The following CAMKMT variants were observed in gnomAD, a reference collection of about 807,000 sequenced individuals.
CAMKMT encodes the protein calmodulin-lysine N-methyltransferase.
CAMKMT carries 53 observed loss-of-function variants against 48.0 expected under a neutral mutation model. The observed-to-expected ratio is 1.10, with a 90% CI of 0.89 to 1.39. The LOEUF is 1.39. Among genes scored for constraint, CAMKMT ranks in the 40% most tolerant of loss-of-function variants. The probability of loss-of-function intolerance (pLI) is 0.00; values close to 1 mark genes in which losing one functional copy is unlikely to be tolerated. For synonymous variants in CAMKMT, 165 were observed against 152.3 expected (o/e 1.08, Z -0.61); for missense variants, 428 against 402.7 (o/e 1.06, Z -0.54).
intron 3 of CAMKMT, among the ~76,000 whole-genome samples, chr2:44,588,312 G>A (rs1490750159): frequency 5.0e-5 from 4 of 80,592 alleles, no homozygotes; most frequent in African/African-American, 1.5e-4. Context: ...GAGGGGGGGG[G>A]TCAGCCCCCC....
chr2:44,608,098 A>C (rs1572908164), intron 3 of CAMKMT, among the ~76,000 whole-genome samples: 1 of 119,452 alleles, frequency 8.4e-6, no homozygotes, highest in South Asian at 2.7e-4. Context: ...TTTGAGACGG[A>C]GTCTTGCTCC....
At chr2:44,433,793 A>G (rs574907935) in intron 3 of CAMKMT, among the ~76,000 whole-genome samples, 1 of 152,318 alleles carries the variant, frequency 6.6e-6, no homozygotes, top group Non-Finnish European at 1.5e-5. Context: ...TCAGTTATCA[A>G]TGTTTATTCA....
At chr2:44,689,168 G>A (rs1676493685) in intron 3 of CAMKMT, among the ~76,000 whole-genome samples, 1 of 152,060 alleles carries the variant, frequency 6.6e-6, no homozygotes, top group South Asian at 2.1e-4. Context: ...CCTAAGACAG[G>A]GAACAATAAC....
chr2:44,518,491 T>C (rs752312891), intron 3 of CAMKMT, among the ~76,000 whole-genome samples: 1 of 152,222 alleles, frequency 6.6e-6, no homozygotes, highest in Non-Finnish European at 1.5e-5. Flanking sequence ...ATAGAACACA[T>C]GAATCTACTG....
chr2:44,491,587 A>G (rs1417437180), intron 3 of CAMKMT, among the ~76,000 whole-genome samples: 1 of 152,236 alleles, frequency 6.6e-6, no homozygotes, highest in South Asian at 2.1e-4. Flanking sequence ...TGAGCTATTC[A>G]TAGGATAGTT....
chr2:44,679,601 C>T (rs930077265), intron 3 of CAMKMT, among the ~76,000 whole-genome samples: 18 of 152,188 alleles, frequency 1.2e-4, no homozygotes, highest in African/African-American at 3.9e-4. Flanking sequence ...GCATAGCCTG[C>T]GCCATGTCAG....
chr2:44,747,157 TA>T (rs1246228256), intron 8 of CAMKMT, among the ~76,000 whole-genome samples: 1 of 152,232 alleles, frequency 6.6e-6, no homozygotes, highest in African/African-American at 2.4e-5. Context: ...CATTGGCCTG[TA>T]GCAACCCACC....
chr2:44,629,433 CT>C (rs897761983), intron 3 of CAMKMT, among the ~76,000 whole-genome samples: 8,236 of 125,246 alleles, frequency 0.066, 136 homozygotes, highest in African/African-American at 0.089. Flanking sequence ...TTCTTTCTTT[CT>C]TTTTTTTTTT....
intron 3 of CAMKMT, among the ~76,000 whole-genome samples, chr2:44,448,194 A>G (rs140797571): frequency 1.6e-4 from 25 of 152,308 alleles, no homozygotes; most frequent in African/African-American, 6.0e-4. Context: ...AACTGCATAT[A>G]TGAAAAGCAC....
chr2:44,556,270 C>G (rs1336744325), intron 3 of CAMKMT, among the ~76,000 whole-genome samples: 6 of 151,940 alleles, frequency 3.9e-5, no homozygotes, highest in African/African-American at 1.4e-4. Context: ...TCCCAAGCAG[C>G]TGGGATTACA....
intron 3 of CAMKMT, among the ~76,000 whole-genome samples, chr2:44,485,653 A>T (rs770525241): frequency 2.5e-4 from 38 of 152,214 alleles, no homozygotes; most frequent in Non-Finnish European, 5.1e-4. Flanking sequence ...TACTGTGGGC[A>T]ACTGTAACAC....
intron 3 of CAMKMT, among the ~76,000 whole-genome samples, chr2:44,397,344 G>A (rs947894548): frequency 6.6e-6 from 1 of 152,214 alleles, no homozygotes; most frequent in Non-Finnish European, 1.5e-5. Flanking sequence ...TAGAACGCAT[G>A]GGTAATGATC....
chr2:44,631,917 C>T (rs1672855163), intron 3 of CAMKMT, among the ~76,000 whole-genome samples: 1 of 151,958 alleles, frequency 6.6e-6, no homozygotes, highest in South Asian at 2.1e-4. Context: ...TTTATATTCA[C>T]CTTCACATAA....
intron 3 of CAMKMT, among the ~76,000 whole-genome samples, chr2:44,634,872 T>C (rs1673034265): frequency 6.7e-6 from 1 of 149,156 alleles, no homozygotes; most frequent in Non-Finnish European, 1.5e-5. Flanking sequence ...TAGCACAGTG[T>C]GTTTATAAAG....
At chr2:44,563,908 C>A (rs1311009812) in intron 3 of CAMKMT, among the ~76,000 whole-genome samples, 8 of 152,140 alleles carry the variant, frequency 5.3e-5, no homozygotes, top group African/African-American at 1.9e-4. Context: ...CAAGTCTTTG[C>A]TATTGTGAAT....
chr2:44,376,216 GC>G (rs1420416512), intron 2 of CAMKMT, among the ~76,000 whole-genome samples: 2 of 151,984 alleles, frequency 1.3e-5, no homozygotes, highest in East Asian at 3.9e-4. Context: ...TTTGAGACCA[GC>G]CTGGCCAACA....
chr2:44,593,605 G>T (rs1670453980), intron 3 of CAMKMT, among the ~76,000 whole-genome samples: 1 of 152,090 alleles, frequency 6.6e-6, no homozygotes, highest in Non-Finnish European at 1.5e-5. Flanking sequence ...AGGGATAACT[G>T]TCCTTCCTGC....
chr2:44,415,565 G>C (rs1484783908), intron 3 of CAMKMT, among the ~76,000 whole-genome samples: 2 of 152,050 alleles, frequency 1.3e-5, no homozygotes, highest in Non-Finnish European at 2.9e-5. Flanking sequence ...CCTTTAAGTT[G>C]GTCACTTTGC....
At chr2:44,686,985 T>A (rs556790500) in intron 3 of CAMKMT, among the ~76,000 whole-genome samples, 1 of 152,368 alleles carries the variant, frequency 6.6e-6, no homozygotes, top group East Asian at 1.9e-4. Flanking sequence ...ATGGTGATCA[T>A]GTAAAAGTGT....
Sources: gnomAD v4.1 joint callset for allele counts (sites outside exome capture counted in the v4.1 genomes callset) on GRCh38, gnomAD v4.1.1 for gene constraint, MANE v1.5 for transcripts, NCBI Gene and HGNC (gene_info 2026-07-23, HGNC 2026-07-21) for gene names.